The following SULF1 variants were observed in gnomAD, a reference collection of about 807,000 sequenced individuals.
The protein encoded by SULF1 is sulfatase 1, also known as extracellular sulfatase Sulf-1.
In SULF1, 46 loss-of-function variants were observed where a neutral mutation model predicts 110.5. The observed-to-expected ratio is 0.42, with a 90% CI of 0.33 to 0.53. SULF1 has a LOEUF of 0.53. Among genes scored for constraint, SULF1 ranks in the 20% least tolerant of loss-of-function variants. SULF1 has a pLI of 0.12. For synonymous variants in SULF1, 371 were observed against 387.1 expected, an observed-to-expected ratio of 0.96 and a Z score of 0.49; for missense variants, 941 against 1,094.2, an observed-to-expected ratio of 0.86 and a Z score of 1.98.
At chr8:69,555,867 T>C (rs1815080302) in intron 3 of SULF1, among the ~76,000 whole-genome samples, 1 of 152,332 alleles carries the variant, frequency 6.6e-6, no homozygotes, top group South Asian at 2.1e-4. Flanking sequence ...CTAATTGTCT[T>C]TTTAAAAATA....
chr8:69,589,352 T>A (rs1806708382), intron 8 of SULF1, among the ~76,000 whole-genome samples: 1 of 152,200 alleles, frequency 6.6e-6, no homozygotes, highest in Admixed American at 6.5e-5. Context: ...AGGAATCAAA[T>A]TTCCAGCATT....
At position 69,658,781 on chromosome 8, in the gene SULF1, T is replaced by A; in HGVS notation, c.*246T>A. 1 of 644,752 alleles carries A rather than the reference T, an allele frequency of 1.6e-6. No homozygotes were observed. The allele number at this position is 644,752 out of a possible 1,614,324, so 39.9% of individuals were successfully genotyped here. On this transcript the variant is annotated 3_prime_UTR_variant, in exon 23 of 23. Coordinates refer to ENST00000402687, the MANE Select transcript of SULF1 (RefSeq NM_001128205.2). ...GTCTCTGCTGAGCACGCTGTGTCAA[T>A]GGAGATGGCCTCTGCTGACTCAGAT... is the stretch of plus-strand genomic sequence containing the variant.
chr8:69,652,294 T>G (rs1812401729), intron 22 of SULF1, among the ~76,000 whole-genome samples: 1 of 152,236 alleles, frequency 6.6e-6, no homozygotes, highest in Admixed American at 6.5e-5. Context: ...GTAAAGGAAC[T>G]TGTCCATAGT....
At chr8:69,647,235 G>A (rs1423623859) in intron 22 of SULF1, among the ~76,000 whole-genome samples, 2 of 151,946 alleles carry the variant, frequency 1.3e-5, no homozygotes, top group Admixed American at 6.6e-5. Context: ...GAGCCACTGC[G>A]CCTGGCTGAG....
chr8:69,659,410 T>G lies in SULF1; in HGVS notation c.*875T>G, dbSNP rs1196879898. 2.9e-6 allele frequency: 1 copy of G among 350,554 alleles called. No individual in the cohort carries two copies. Among genetic ancestry groups the G allele is most frequent in the Non-Finnish European group, 5.6e-6 (1 of 178,938 alleles). The allele number at this position is 350,554 out of a possible 1,614,324, so 21.7% of individuals were successfully genotyped here. ...TAAAGGTAATCACAGCCACCAACAT[T>G]CCAAGCTACCCTGGGTACCTTTGTG... On this transcript the variant is annotated 3_prime_UTR_variant, in exon 23 of 23. Coordinates refer to ENST00000402687, the MANE Select transcript of SULF1 (RefSeq NM_001128205.2).
chr8:69,584,198 T>G (rs983018771), intron 6 of SULF1, among the ~76,000 whole-genome samples: 3 of 152,100 alleles, frequency 2.0e-5, no homozygotes, highest in Non-Finnish European at 4.4e-5. Flanking sequence ...GGAAAGACCC[T>G]CCATCCTGGC....
At chr8:69,568,907 T>C (rs1274692122) in intron 5 of SULF1, among the ~76,000 whole-genome samples, 1 of 152,196 alleles carries the variant, frequency 6.6e-6, no homozygotes, top group African/African-American at 2.4e-5. Context: ...ATGTTAAGTT[T>C]TGTTAAAGCT....
At chr8:69,645,753 G>T (rs986970254) in intron 22 of SULF1, among the ~76,000 whole-genome samples, 3 of 152,212 alleles carry the variant, frequency 2.0e-5, no homozygotes, top group Non-Finnish European at 4.4e-5. Flanking sequence ...GACAGTGCAA[G>T]GGAAGGAGAA....
intron 3 of SULF1, among the ~76,000 whole-genome samples, chr8:69,554,978 C>CAAAAAAAAAA (rs141225696): frequency 3.2e-5 from 2 of 63,484 alleles, no homozygotes; most frequent in African/African-American, 2.0e-4. Flanking sequence ...GATTCCATCT[C>CAAAAAAAAAA]AAAAAAAAAA....
intron 3 of SULF1, among the ~76,000 whole-genome samples, chr8:69,512,347 C>G (rs1188683377): frequency 1.3e-5 from 2 of 152,158 alleles, no homozygotes; most frequent in Non-Finnish European, 2.9e-5. Context: ...TAAAGGTGAT[C>G]ATCAGCATGG....
intron 5 of SULF1, among the ~76,000 whole-genome samples, chr8:69,568,280 C>T (rs370585665): frequency 1.3e-5 from 2 of 152,074 alleles, no homozygotes; most frequent in East Asian, 1.9e-4. Context: ...ACTGGGAAAG[C>T]ATAAAACAAT....
intron 2 of SULF1, among the ~76,000 whole-genome samples, chr8:69,498,398 C>T (rs1404759827): frequency 6.6e-6 from 1 of 152,100 alleles, no homozygotes; most frequent in African/African-American, 2.4e-5. Flanking sequence ...AACCAAGGAT[C>T]CATCGGTGAC....
At chr8:69,627,603 AATATAGAGTCT>A (rs1324897922) in intron 16 of SULF1, among the ~76,000 whole-genome samples, 158 bp from the exon 17 acceptor site, 3 of 152,226 alleles carry the variant, frequency 2.0e-5, no homozygotes, top group Admixed American at 2.0e-4. Context: ...CATGGGTTGG[AATATAGAGTCT>A]ATATAGACAT....
At chr8:69,585,737 A>T (rs1300302308) in intron 6 of SULF1, among the ~76,000 whole-genome samples, 1 of 152,210 alleles carries the variant, frequency 6.6e-6, no homozygotes, top group African/African-American at 2.4e-5. Context: ...TATTATCGAT[A>T]ATAGATGTAT....
At chr8:69,602,550 G>T (rs182519912) in intron 10 of SULF1, among the ~76,000 whole-genome samples, 1 of 152,226 alleles carries the variant, frequency 6.6e-6, no homozygotes, top group Non-Finnish European at 1.5e-5. Context: ...GGCAGACAGC[G>T]TCAGTGCCCC....
chr8:69,526,869 G>GA, intron 3 of SULF1, among the ~76,000 whole-genome samples: 1 of 138,416 alleles, frequency 7.2e-6, no homozygotes, highest in South Asian at 2.3e-4. Flanking sequence ...AAAGAAGGAG[G>GA]AAGGGAAGGG....
At chr8:69,633,101 G>C (rs1810711006) in intron 19 of SULF1, among the ~76,000 whole-genome samples, 1 of 151,948 alleles carries the variant, frequency 6.6e-6, no homozygotes, top group South Asian at 2.1e-4. Flanking sequence ...TTAAAAAAGA[G>C]TTTTTAAAAA....
intron 5 of SULF1, among the ~76,000 whole-genome samples, chr8:69,564,446 A>G (rs558856424): frequency 1.1e-3 from 174 of 152,362 alleles, no homozygotes; most frequent in African/African-American, 3.9e-3. Context: ...CAGTTAAGAC[A>G]TTGTAAAAAT....
chr8:69,489,328 C>G (rs559514149), upstream of SULF1, among the ~76,000 whole-genome samples: 1 of 152,184 alleles, frequency 6.6e-6, no homozygotes, highest in South Asian at 2.1e-4. Context: ...CAGGCCAAGA[C>G]CATGTAATTA....
Sources: gnomAD v4.1 joint callset for allele counts (sites outside exome capture counted in the v4.1 genomes callset) on GRCh38, gnomAD v4.1.1 for gene constraint, MANE v1.5 for transcripts, NCBI Gene and HGNC (gene_info 2026-07-23, HGNC 2026-07-21) for gene names.